CWC27: variants seen among roughly 807,000 people sequenced by gnomAD.
CWC27 encodes spliceosome-associated protein CWC27 homolog.
CWC27 carries 47 observed loss-of-function variants against 63.6 expected under a neutral mutation model. The ratio of observed to expected loss-of-function variants is 0.74; its 90% CI spans 0.58 to 0.94. The LOEUF (loss-of-function observed/expected upper bound fraction) is 0.94, where lower values mean the gene tolerates loss of function less well. CWC27 is among the 40% of genes least tolerant of loss of function. The pLI, the probability that CWC27 is intolerant of heterozygous loss-of-function variation, is 0.00. For missense variants in CWC27, 495 were observed against 554.3 expected, an observed-to-expected ratio of 0.89 and a Z score of 1.07; for synonymous variants, 175 against 179.8, an observed-to-expected ratio of 0.97 and a Z score of 0.22.
At chr5:65,017,408 C>A (rs1750068285) in intron 13 of CWC27, among the ~76,000 whole-genome samples, 1 of 152,154 alleles carries the variant, frequency 6.6e-6, no homozygotes, top group Non-Finnish European at 1.5e-5. Flanking sequence ...TTCCTGGCAC[C>A]TCATATGGGG....
intron 10 of CWC27, among the ~76,000 whole-genome samples, chr5:64,873,215 CAAAG>C (rs1412207651): frequency 6.6e-6 from 1 of 151,906 alleles, no homozygotes; most frequent in Non-Finnish European, 1.5e-5. Flanking sequence ...TAAAAATAGC[CAAAG>C]AAAGAAAGCT....
intron 11 of CWC27, among the ~76,000 whole-genome samples, chr5:64,908,520 G>A (rs1393746343): frequency 1.3e-5 from 2 of 152,154 alleles, no homozygotes; most frequent in Non-Finnish European, 2.9e-5. Context: ...GGGAGTCTAA[G>A]TCTCTTTGTA....
At chr5:64,948,873 T>C (rs1351912900) in intron 11 of CWC27, among the ~76,000 whole-genome samples, 1 of 151,934 alleles carries the variant, frequency 6.6e-6, no homozygotes, top group Admixed American at 6.6e-5. Flanking sequence ...GATAGAATAT[T>C]CATGCTTCAT....
intron 12 of CWC27, among the ~76,000 whole-genome samples, chr5:64,973,506 G>T (rs924835511): frequency 6.6e-6 from 1 of 152,160 alleles, no homozygotes; most frequent in Admixed American, 6.5e-5. Flanking sequence ...TTGGCCATTC[G>T]TTCTTTCAGG....
chr5:64,915,587 T>C (rs1747874134), intron 11 of CWC27, among the ~76,000 whole-genome samples: 1 of 152,142 alleles, frequency 6.6e-6, no homozygotes, highest in Non-Finnish European at 1.5e-5. Context: ...TAACTAAACA[T>C]TCTTATGCAT....
chr5:64,801,755 T>C (rs1418583827), intron 9 of CWC27, among the ~76,000 whole-genome samples: 1 of 152,182 alleles, frequency 6.6e-6, no homozygotes, highest in Non-Finnish European at 1.5e-5. Flanking sequence ...TTTCAAAAGA[T>C]TCTCATTCAA....
chr5:64,841,213 G>A (rs76647661), intron 10 of CWC27, among the ~76,000 whole-genome samples: 2,089 of 152,270 alleles, frequency 0.014, 28 homozygotes, highest in African/African-American at 0.038. Context: ...GGTAGGAGGA[G>A]GAAGATGGAA....
intron 12 of CWC27, among the ~76,000 whole-genome samples, chr5:64,972,852 GCT>G (rs1749151619): frequency 6.6e-6 from 1 of 152,046 alleles, no homozygotes; most frequent in Non-Finnish European, 1.5e-5. Context: ...ACACATCCCT[GCT>G]CTCTCTGATC....
At chr5:64,813,397 A>C (rs956201790) in intron 10 of CWC27, among the ~76,000 whole-genome samples, 26 of 152,194 alleles carry the variant, frequency 1.7e-4, no homozygotes, top group African/African-American at 4.3e-4. Context: ...AACAAACAAA[A>C]AAAATCCTTG....
intron 10 of CWC27, among the ~76,000 whole-genome samples, chr5:64,870,478 T>C (rs1746642188): frequency 2.2e-5 from 2 of 90,132 alleles, no homozygotes; most frequent in South Asian, 1.2e-3. Flanking sequence ...ATTCTTAAAT[T>C]GGTTAAAAAA....
chr5:64,811,832 A>T (rs1376911131), intron 10 of CWC27, among the ~76,000 whole-genome samples: 1 of 152,080 alleles, frequency 6.6e-6, no homozygotes, highest in East Asian at 1.9e-4. Flanking sequence ...TGAATTGATT[A>T]AGCTCTAAAT....
At chr5:64,771,919 T>G (rs1743271056) in intron 1 of CWC27, among the ~76,000 whole-genome samples, 1 of 152,214 alleles carries the variant, frequency 6.6e-6, no homozygotes, top group South Asian at 2.1e-4. Flanking sequence ...AGGTGTAAGT[T>G]GCCTGTGGCC....
chr5:64,878,569 G>A (rs1746855871), intron 10 of CWC27, among the ~76,000 whole-genome samples: 2 of 137,950 alleles, frequency 1.4e-5, no homozygotes, highest in South Asian at 2.5e-4. Flanking sequence ...TATATATGTT[G>A]AATATAGACA....
At chr5:64,838,267 G>C (rs1745709927) in intron 10 of CWC27, among the ~76,000 whole-genome samples, 1 of 152,076 alleles carries the variant, frequency 6.6e-6, no homozygotes, top group African/African-American at 2.4e-5. Flanking sequence ...GTTAACCAAA[G>C]ATCCGATGTT....
chr5:64,805,509 T>G (rs1744638797), intron 10 of CWC27, among the ~76,000 whole-genome samples: 1 of 151,888 alleles, frequency 6.6e-6, no homozygotes, highest in Non-Finnish European at 1.5e-5. Context: ...GGATACATAA[T>G]GTTTTATTCC....
chr5:64,989,898 G>A (rs1749502207), intron 13 of CWC27, among the ~76,000 whole-genome samples: 1 of 151,952 alleles, frequency 6.6e-6, no homozygotes, highest in African/African-American at 2.4e-5. Flanking sequence ...GCTGACAGAT[G>A]GTGCATAATA....
At chr5:64,968,608 A>G (rs775310991) in intron 11 of CWC27, among the ~76,000 whole-genome samples, 9 of 152,196 alleles carry the variant, frequency 5.9e-5, no homozygotes, top group Non-Finnish European at 7.4e-5. Context: ...TACATACTGT[A>G]TGATCCCATT....
chr5:64,833,758 G>A (rs960566068), intron 10 of CWC27, among the ~76,000 whole-genome samples: 1 of 151,626 alleles, frequency 6.6e-6, no homozygotes, highest in Non-Finnish European at 1.5e-5. Flanking sequence ...CACAATGTAG[G>A]AGAATGTTGA....
chr5:64,857,602 A>G (rs1746286312), intron 10 of CWC27, among the ~76,000 whole-genome samples: 1 of 152,216 alleles, frequency 6.6e-6, no homozygotes, highest in Non-Finnish European at 1.5e-5. Flanking sequence ...CAACCTAAAA[A>G]TGGAAAGCCA....
Sources: gnomAD v4.1 joint callset for allele counts (sites outside exome capture counted in the v4.1 genomes callset) on GRCh38, gnomAD v4.1.1 for gene constraint, MANE v1.5 for transcripts, NCBI Gene and HGNC (gene_info 2026-07-23, HGNC 2026-07-21) for gene names.